Variants in ABCA2 observed in about 807,000 individuals in gnomAD.
The protein encoded by ABCA2 is ATP-binding cassette sub-family A member 2.
Under a neutral mutation model 262.8 loss-of-function variants are expected in ABCA2, and 84 were observed. That is an observed-to-expected ratio of 0.32 (90% CI 0.27 to 0.38). The LOEUF (loss-of-function observed/expected upper bound fraction) is 0.38, where lower values mean the gene tolerates loss of function less well. Among genes scored for constraint, ABCA2 ranks in the 10% least tolerant of loss-of-function variants. The pLI is 1.00. For synonymous variants in ABCA2, 1,696 were observed against 1,502.9 expected, an observed-to-expected ratio of 1.13 and a Z score of -2.97; for missense variants, 2,662 against 3,405.9, an observed-to-expected ratio of 0.78 and a Z score of 5.44.
chr9:137,028,369 G>A (rs897563722), upstream of ABCA2: 5 of 750,364 alleles, frequency 6.7e-6, no homozygotes, highest in African/African-American at 9.7e-5. This position sits in a 1 kb window ranked among gnomAD's most constrained non-coding sequence, Gnocchi z 6.9. Flanking sequence ...CGCCCGCCAG[G>A]AGGCGCCCGC....
At chr9:137,010,810 C>A in intron 39 of ABCA2, 73 bp from the exon 40 acceptor site, 1 of 1,510,132 alleles carries the variant, frequency 6.6e-7, no homozygotes, top group Non-Finnish European at 9.1e-7. Flanking sequence ...AGCCTCGCAT[C>A]CTCTGGCTGT....
rs772397149 is a variant in ABCA2, at chr9:137,008,501, G to A, written c.7190C>T (p.Pro2397Leu). 3 of 1,581,050 alleles carry A rather than the reference G, an allele frequency of 1.9e-6. No individual in the cohort carries two copies. The Admixed American group carries it at 5.4e-5, about 29-fold the overall frequency. ...LLSLLRPRSA[P>L]TELRALVADE... The stretch of plus-strand genomic sequence containing the variant: ...TGCCACAAGTGCCCGGAGCTCCGTG[G>A]GGGCAGACCGGGGCCGGAGCAGGCT... The change falls in exon 48 of 49, where the codon CCC becomes CTC. Residue 2397 changes from proline (P) to leucine (L), a missense_variant. By Grantham distance (98) the Pro-to-Leu change is moderately conservative (BLOSUM62 -3). Transcript: ENST00000341511.
In ABCA2 at chr9:137,008,967, G is replaced by C. The variant is rs780992044; in HGVS notation, c.6914C>G (p.Pro2305Arg). 4 of 1,557,616 alleles carry C rather than the reference G, an allele frequency of 2.6e-6. No homozygotes were observed. The highest frequency in any genetic ancestry group is 1.7e-4 in the Middle Eastern group (1 of 5,800). The change falls in exon 46 of 49, where the codon CCG (proline) becomes CGG (arginine). Residue 2305 changes from proline to arginine, a missense_variant. Around this residue, in one of 12 missense-constraint regions of ABCA2, gnomAD observed 212 missense variants for 214.4 expected, o/e 0.99. Coordinates refer to ENST00000341511, the MANE Select transcript of ABCA2 (RefSeq NM_001606.5). ...DVVRFFNRNF[P>R]EAMLKERHHT... ...ACGGCGCACCTTGAGCATGGCTTCC[G>C]GGAAGTTGCGGTTGAAGAACCGCAC...
Position 137,014,237 on chromosome 9 carries a change from T to C in ABCA2, c.4171A>G (p.Thr1391Ala), listed in dbSNP as rs781568530. 16 of 1,610,438 alleles carry C rather than the reference T, an allele frequency of 9.9e-6. No individual in the cohort carries two copies. In the Middle Eastern group the frequency reaches 6.6e-4, roughly 66 times the overall value. ...SARGDEGAGY[T>A]DVYGDYRPLF... The stretch of plus-strand genomic sequence containing the variant: ...GGGCGGTAGTCGCCATAGACGTCGG[T>C]GTAGCCAGCTCCCTCGTCGCCACGG... The change falls in exon 27 of 49, where the codon ACC becomes GCC. Residue 1391 changes from threonine (T) to alanine (A), a missense_variant. Thr to Ala is a moderately conservative substitution (Grantham distance 58). Coordinates refer to ENST00000341511, the MANE Select transcript of ABCA2 (RefSeq NM_001606.5).
chr9:137,012,247 CTGCCT>C lies in ABCA2; in HGVS notation c.5299+13_5299+17del, dbSNP rs1564214898. On this transcript the variant is annotated intron_variant, in intron 33 of 48. Coordinates refer to ENST00000341511, the MANE Select transcript of ABCA2 (RefSeq NM_001606.5). ...CAGCTCCTCCCCGCCCCGCCCCGCC[CTGCCT>C]ATGTCAGCTCACCGTAAGCCGCCGG... 1 of 1,601,528 alleles carries C rather than the reference CTGCCT, an allele frequency of 6.2e-7. No homozygotes were observed. The highest frequency in any genetic ancestry group is 1.1e-5 in the South Asian group (1 of 89,998).
chr9:137,019,196 G>A lies in ABCA2; in HGVS notation c.1536C>T (p.His512=), dbSNP rs1255558041. ...TTGGCACCTGCTGCAGCCAGCGCAGGTGTTGCTGCAGCCTGCCCTGCTCCA... is the reference window on the plus strand; with the variant it reads ...TTGGCACCTGCTGCAGCCAGCGCAGATGTTGCTGCAGCCTGCCCTGCTCCA... The part of the protein sequence containing the change: ...SFLEQGRLQQ[H]LRWLQQYVAE... The change falls in exon 11 of 49, where the codon CAC becomes CAT. Residue 512 remains histidine (H), a synonymous_variant. Transcript: ENST00000341511. This position sits in a 1 kb window ranked among gnomAD's most constrained non-coding sequence, Gnocchi z 4.4. 1 of 1,612,580 alleles carries A rather than the reference G, an allele frequency of 6.2e-7. No individual in the cohort carries two copies. The highest frequency in any genetic ancestry group is 1.7e-5 in the Admixed American group (1 of 59,994).
At chr9:137,008,190 C>G in intron 48 of ABCA2, 1 of 801,270 alleles carries the variant, frequency 1.2e-6, no homozygotes, top group Non-Finnish European at 2.1e-6. Flanking sequence ...TCCCCTCTGC[C>G]CCACCCTTGC....
intron 3 of ABCA2, 85 bp downstream of exon 3, chr9:137,023,753 G>A (rs933138527): frequency 6.5e-5 from 47 of 718,284 alleles, no homozygotes; most frequent in Non-Finnish European, 1.1e-4. Context: ...TAATGCAAGC[G>A]GGGAGGGCGC....
In ABCA2 at chr9:137,014,709, C is replaced by A. The variant is rs760848419; in HGVS notation, c.3984G>T (p.Ser1328=). Residue 1328 remains serine (S), a synonymous_variant, in exon 26 of 49, where the codon TCG becomes TCT. Transcript: ENST00000341511. ...VFLKVSEEDQ[S]LENSEADVKE... Reference sequence around the variant, plus strand: ...CCTCACCGGCCTCACTGTTCTCCAGCGACTGATCCTCCTCCGACACCTTGA... The same window carrying A: ...CCTCACCGGCCTCACTGTTCTCCAGAGACTGATCCTCCTCCGACACCTTGA... The A allele has an allele frequency of 1.9e-6, 3 of 1,606,262 alleles. No individual in the cohort carries two copies. The highest frequency in any genetic ancestry group is 2.5e-6 in the Non-Finnish European group (3 of 1,177,698).
chr9:137,013,996 C>A lies in ABCA2; in HGVS notation c.4283G>T (p.Arg1428Leu), dbSNP rs200759130. 2 of 1,611,904 alleles carry A rather than the reference C, an allele frequency of 1.2e-6. No homozygotes were observed. The highest frequency in any genetic ancestry group is 1.7e-6 in the Non-Finnish European group (2 of 1,179,884). ...CTTCAGCCACCCGCCGTCCAGCTTG[C>A]GGCTGCCCTGGCCGACCCTCGACAG... ...EALSRVGQGS[R>L]KLDGGWLKVR... is the part of the protein sequence containing the mutation. Residue 1428 changes from arginine to leucine, a missense_variant, in exon 28 of 49, where the codon CGC becomes CTC. Arg to Leu is a moderately radical substitution (Grantham distance 102, BLOSUM62 -2). Transcript: ENST00000341511.
In ABCA2 at chr9:137,011,732, G is replaced by C; in HGVS notation, c.5553C>G (p.Pro1851=). The C allele has an allele frequency of 6.4e-7, 1 of 1,552,086 alleles. No individual in the cohort carries two copies. The highest frequency in any genetic ancestry group is 2.4e-5 in the East Asian group (1 of 41,026). ...ACAGGATGATGACACAGCAGGTAGCGGGGACCAGGTAGTTGAGCTGCAGGG... is the reference window on the plus strand; with the variant it reads ...ACAGGATGATGACACAGCAGGTAGCCGGGACCAGGTAGTTGAGCTGCAGGG... ...YVWDMLNYLV[P]ATCCVIILFV... The change falls in exon 36 of 49, where the codon CCC becomes CCG. Residue 1851 remains proline (P), a synonymous_variant. Transcript: ENST00000341511. The surrounding 1 kb of genome is among the most constrained non-coding windows in gnomAD (Gnocchi z 8.8).
chr9:137,020,375 G>C lies in ABCA2; in HGVS notation c.1386C>G (p.Tyr462Ter). Residue 462 changes from tyrosine (Y) to a stop codon, truncating the protein, a stop_gained, in exon 10 of 49, where the codon TAC becomes TAG. Transcript: ENST00000341511. LOFTEE classifies it high-confidence loss of function. ...GGTCGACCTCAGAGCCCGCAGGCGC[G>C]TACAGGATTTTGGGGTTGCTGGTCA... ...HLMTSNPKIL[Y>*]APAGSEVDRV... The C allele has an allele frequency of 6.2e-7, 1 of 1,613,068 alleles. No homozygotes were observed. The highest frequency in any genetic ancestry group is 8.5e-7 in the Non-Finnish European group (1 of 1,179,996).
rs1831237861 is a variant in ABCA2, at chr9:137,015,801, G to A, written c.3388C>T (p.Arg1130Cys). 5 of 1,612,388 alleles carry A rather than the reference G, an allele frequency of 3.1e-6. No homozygotes were observed. The highest frequency in any genetic ancestry group is 4.2e-6 in the Non-Finnish European group (5 of 1,179,810). The stretch of plus-strand genomic sequence containing the variant: ...AAGGCGATGGCCACGGACAGCTTGC[G>A]CTTCATGCCACCCGACAATGTCTGC... Reference protein sequence around the residue: ...LVQTLSGGMKRKLSVAIAFVG... With the variant: ...LVQTLSGGMKCKLSVAIAFVG... The change falls in exon 23 of 49, where the codon CGC (arginine) becomes TGC (cysteine). Residue 1130 changes from arginine (R) to cysteine (C), a missense_variant. Around this residue, in one of 12 missense-constraint regions of ABCA2, gnomAD observed 180 missense variants for 307.3 expected, o/e 0.59. Coordinates refer to ENST00000341511, the MANE Select transcript of ABCA2 (RefSeq NM_001606.5).
rs202094066 is a variant in ABCA2, at chr9:137,012,211, C to T, written c.5300-49G>A. On this transcript the variant is annotated intron_variant, in intron 33 of 48. Transcript: ENST00000341511. ...GCAGCTTCAGGCCCCAGCTCCTCCCCGCCCCGGCCCCAGCTCCTCCCCGCC... is the reference window on the plus strand; with the variant it reads ...GCAGCTTCAGGCCCCAGCTCCTCCCTGCCCCGGCCCCAGCTCCTCCCCGCC... The T allele has an allele frequency of 5.2e-5, 84 of 1,604,272 alleles. 1 individual carries two copies. The highest frequency in any genetic ancestry group is 5.2e-4 in the African/African-American group (39 of 74,662).
At chr9:137,009,332 G>GGGCCCCC in intron 45 of ABCA2, 38 bp downstream of exon 45, 3 of 980,410 alleles carry the variant, frequency 3.1e-6, no homozygotes, top group Non-Finnish European at 4.6e-6. Flanking sequence ...CCCCCCCCGG[G>GGGCCCCC]CCCGCCCCAG....
At position 137,012,858 on chromosome 9, in the gene ABCA2, C is replaced by T. The variant is rs541291575; in HGVS notation, c.4935G>A (p.Ala1645=). 1.7e-5 allele frequency: 27 copies of T among 1,602,684 alleles called. No individual in the cohort carries two copies. In the African/African-American group the frequency reaches 2.0e-4, roughly 12 times the overall value. ...TGGGGCAGGAGAAGCCGGTGCCCTGCGCAGAGCAGGTGCAGCGGACGGGCT... is the reference window on the plus strand; with the variant it reads ...TGGGGCAGGAGAAGCCGGTGCCCTGTGCAGAGCAGGTGCAGCGGACGGGCT... ...VREPVRCTCS[A]QGTGFSCPSS... The change falls in exon 31 of 49, where the codon GCG becomes GCA. Residue 1645 remains alanine (A), a synonymous_variant. Coordinates refer to ENST00000341511, the MANE Select transcript of ABCA2 (RefSeq NM_001606.5).
intron 22 of ABCA2, 29 bp downstream of exon 22, chr9:137,015,933 C>CCGGGGGGGGGGGGGGGGGGG: frequency 6.7e-7 from 1 of 1,500,318 alleles, no homozygotes; most frequent in East Asian, 2.4e-5. Context: ...CTCCGCCCAC[C>CCGGGGGGGGGGGGGGGGGGG]TGCCCCGCCC....
intron 24 of ABCA2, 63 bp from the exon 25 acceptor site, chr9:137,015,160 G>A (rs1434220348): frequency 2.0e-6 from 3 of 1,504,576 alleles, no homozygotes; most frequent in East Asian, 2.3e-5. Flanking sequence ...ACCCCCAATG[G>A]GAACCCAACT....
At position 137,015,884 on chromosome 9, in the gene ABCA2, G is replaced by C. The variant is rs755889157; in HGVS notation, c.3318-13C>G. The C allele has an allele frequency of 6.2e-7, 1 of 1,607,964 alleles. No homozygotes were observed. The highest frequency in any genetic ancestry group is 1.1e-5 in the South Asian group (1 of 90,956). On this transcript the variant is annotated splice_polypyrimidine_tract_variant and intron_variant, in intron 22 of 48. Coordinates refer to ENST00000341511, the MANE Select transcript of ABCA2 (RefSeq NM_001606.5). ...GTCCTCGATCATCCTGGGACAGGGA[G>C]GTGGGGCATGGGGCTGCTGCTATGC...
Sources: allele counts gnomAD v4.1 joint callset, GRCh38; gene constraint gnomAD v4.1.1; regional missense constraint gnomAD v4.1.1; non-coding constraint Gnocchi (gnomAD v3.1); transcripts MANE v1.5; gene names NCBI Gene and HGNC (gene_info 2026-07-23, HGNC 2026-07-21).